UMAD1: variants seen among roughly 807,000 people sequenced by gnomAD.
UMAD1 encodes the protein UBAP1-MVB12-associated (UMA)-domain containing protein 1.
In UMAD1, 8 loss-of-function variants were observed where a neutral mutation model predicts 6.1. The observed-to-expected ratio is 1.30, with a 90% CI of 0.76 to 2.35. UMAD1 has a LOEUF of 2.35. Ranked by LOEUF, UMAD1 falls within the 30% of genes most tolerant of loss-of-function variation. The pLI is 0.00. For missense variants in UMAD1, 130 were observed against 78.4 expected (o/e 1.66, Z -2.49); for synonymous variants, 56 against 31.4 (o/e 1.78, Z -2.61).
chr7:7,854,532 T>G (rs778672706), intron 3 of UMAD1, among the ~76,000 whole-genome samples: 14 of 152,020 alleles, frequency 9.2e-5, no homozygotes, highest in Non-Finnish European at 1.9e-4. Context: ...CATCAGATCT[T>G]GTGAGAACTC....
At position 7,878,463 on chromosome 7, in the gene UMAD1, T is replaced by C. The variant is rs897932633; in HGVS notation, c.*925T>C. ...TGCTGGAAAAACTGAAATCAACTCA[T>C]TTCCAATTAGAGTATAGGCAGAACA... On this transcript the variant is annotated 3_prime_UTR_variant, in exon 4 of 4. Transcript: ENST00000682710. The C allele has an allele frequency of 6.6e-6, 1 of 152,164 alleles. No homozygotes were observed. The highest frequency in any genetic ancestry group is 1.5e-5 in the Non-Finnish European group (1 of 68,034). 9.4% of individuals were successfully genotyped at this position (152,164 alleles called of 1,614,324 possible). A position where few individuals can be genotyped will look rare whatever the true frequency, so the allele number is the denominator to read the frequency against.
At chr7:7,700,608 C>T (rs1027045453) in intron 2 of UMAD1, among the ~76,000 whole-genome samples, 1 of 152,134 alleles carries the variant, frequency 6.6e-6, no homozygotes, top group East Asian at 1.9e-4. Flanking sequence ...CACCAAAGGG[C>T]CGGGCGCGGT....
intron 2 of UMAD1, among the ~76,000 whole-genome samples, chr7:7,688,802 A>G (rs1231465025): frequency 1.3e-5 from 2 of 152,206 alleles, no homozygotes; most frequent in Non-Finnish European, 2.9e-5. Flanking sequence ...TGACTATCAA[A>G]AAGCTGATCC....
intron 1 of UMAD1, among the ~76,000 whole-genome samples, chr7:7,670,313 T>A (rs1287302327): frequency 6.6e-6 from 1 of 152,194 alleles, no homozygotes; most frequent in African/African-American, 2.4e-5. Context: ...AAGACTGTTA[T>A]TCATATGTTA....
intron 1 of UMAD1, among the ~76,000 whole-genome samples, chr7:7,648,608 T>C (rs1452445199): frequency 6.6e-6 from 1 of 152,116 alleles, no homozygotes; most frequent in Non-Finnish European, 1.5e-5. Context: ...CCCAGCACTT[T>C]GGGAGGCCGA....
intron 3 of UMAD1, among the ~76,000 whole-genome samples, chr7:7,869,464 G>A (rs888313580): frequency 1.3e-5 from 2 of 152,154 alleles, no homozygotes; most frequent in Non-Finnish European, 2.9e-5. Context: ...CATGTAAATT[G>A]AATGTGTTGG....
chr7:7,705,250 G>A (rs1222899187), intron 2 of UMAD1, among the ~76,000 whole-genome samples: 2 of 152,164 alleles, frequency 1.3e-5, no homozygotes, highest in African/African-American at 4.8e-5. Context: ...TATAGTTGAT[G>A]CACTGTGATT....
intron 2 of UMAD1, among the ~76,000 whole-genome samples, chr7:7,688,799 C>G (rs1007054406): frequency 1.3e-5 from 2 of 152,166 alleles, no homozygotes; most frequent in Non-Finnish European, 2.9e-5. Flanking sequence ...ACATGACTAT[C>G]AAAAAGCTGA....
At chr7:7,721,157 G>C (rs2115183379) in intron 2 of UMAD1, among the ~76,000 whole-genome samples, 1 of 152,282 alleles carries the variant, frequency 6.6e-6, no homozygotes, top group South Asian at 2.1e-4. Flanking sequence ...AGAGAGCTTA[G>C]CCCTACTGAC....
At chr7:7,846,819 C>T (rs1331606801) in intron 3 of UMAD1, among the ~76,000 whole-genome samples, 2 of 145,436 alleles carry the variant, frequency 1.4e-5, no homozygotes, top group African/African-American at 2.6e-5. Context: ...ATATTTGATC[C>T]ACCGCATATT....
intron 2 of UMAD1, among the ~76,000 whole-genome samples, chr7:7,765,749 C>A (rs974005536): frequency 3.3e-5 from 5 of 152,150 alleles, no homozygotes; most frequent in South Asian, 2.1e-4. Flanking sequence ...TTCAAACTCT[C>A]TGTTAGGCAC....
At chr7:7,801,798 A>G in intron 3 of UMAD1, 55 bp downstream of exon 3, 1 of 711,898 alleles carries the variant, frequency 1.4e-6, no homozygotes, top group African/African-American at 1.8e-5. Context: ...CACTATGATT[A>G]CTTATGCCTC....
intron 2 of UMAD1, among the ~76,000 whole-genome samples, chr7:7,684,989 T>C (rs569189983): frequency 1.4e-3 from 210 of 152,334 alleles, no homozygotes; most frequent in Non-Finnish European, 2.3e-3. Context: ...GCTTTACTAA[T>C]GCTGTAACTT....
At chr7:7,815,765 T>G (rs1405302547) in intron 3 of UMAD1, among the ~76,000 whole-genome samples, 1 of 152,164 alleles carries the variant, frequency 6.6e-6, no homozygotes, top group Non-Finnish European at 1.5e-5. Context: ...AGGAGCCTAC[T>G]TTAGCTTGGT....
chr7:7,656,250 G>C (rs1320687377), intron 1 of UMAD1, among the ~76,000 whole-genome samples: 2 of 151,972 alleles, frequency 1.3e-5, no homozygotes, highest in South Asian at 4.2e-4. Flanking sequence ...CGAGTTGAAG[G>C]AGAAAAAAGA....
chr7:7,849,731 A>C (rs1401931573), intron 3 of UMAD1, among the ~76,000 whole-genome samples: 1 of 152,198 alleles, frequency 6.6e-6, no homozygotes, highest in East Asian at 1.9e-4. Flanking sequence ...GCAAACAAAT[A>C]AAATTACATC....
intron 2 of UMAD1, among the ~76,000 whole-genome samples, chr7:7,729,842 C>G (rs577898642): frequency 2.6e-4 from 40 of 152,246 alleles, no homozygotes; most frequent in Admixed American, 1.4e-3. Flanking sequence ...ATTTTAAACC[C>G]AGAAATCCTA....
intron 2 of UMAD1, among the ~76,000 whole-genome samples, chr7:7,676,507 T>G (rs532927544): frequency 1.4e-3 from 219 of 152,288 alleles, no homozygotes; most frequent in African/African-American, 5.2e-3. Flanking sequence ...ATCATCAGTT[T>G]TAATTCTAAG....
At chr7:7,797,578 T>G (rs1217629747) in intron 2 of UMAD1, among the ~76,000 whole-genome samples, 1 of 152,154 alleles carries the variant, frequency 6.6e-6, no homozygotes, top group Admixed American at 6.5e-5. Flanking sequence ...TAGTGCTCAC[T>G]CTTCAGCATT....
Sources: allele counts gnomAD v4.1 joint callset (sites outside exome capture counted in the v4.1 genomes callset), GRCh38; gene constraint gnomAD v4.1.1; transcripts MANE v1.5; gene names NCBI Gene and HGNC (gene_info 2026-07-23, HGNC 2026-07-21).